The following PTPRD variants were observed in gnomAD, a reference collection of about 807,000 sequenced individuals.
The protein encoded by PTPRD is receptor-type tyrosine-protein phosphatase delta.
In PTPRD, 34 loss-of-function variants were observed where a neutral mutation model predicts 214.5. The observed-to-expected ratio is 0.16, with a 90% CI of 0.12 to 0.21. The LOEUF (loss-of-function observed/expected upper bound fraction) is 0.21, where lower values mean the gene tolerates loss of function less well. Among genes scored for constraint, PTPRD ranks in the 10% least tolerant of loss-of-function variants. The probability of loss-of-function intolerance (pLI) is 1.00; values close to 1 mark genes in which losing one functional copy is unlikely to be tolerated. For synonymous variants in PTPRD, 1,128 were observed against 845.7 expected, an observed-to-expected ratio of 1.33 and a Z score of -5.79; for missense variants, 2,545 against 2,398.7, an observed-to-expected ratio of 1.06 and a Z score of -1.27.
At chr9:9,941,344 A>C (rs148749781) in intron 4 of PTPRD, among the ~76,000 whole-genome samples, 14 of 152,306 alleles carry the variant, frequency 9.2e-5, no homozygotes, top group African/African-American at 3.1e-4. Flanking sequence ...ATCTTATTTT[A>C]GACAGTCTCA....
chr9:8,577,251 GTTTA>G (rs551484081), intron 14 of PTPRD, among the ~76,000 whole-genome samples: 1,435 of 104,328 alleles, frequency 0.014, 21 homozygotes, highest in African/African-American at 0.052. Context: ...TTGTTTGTTT[GTTTA>G]TTTATTTATT....
rs115037832 is a variant in PTPRD at position 8,745,426 on chromosome 9, C to T, written c.-103-11480G>A. On this transcript the variant is annotated intron_variant, in intron 11 of 45. Transcript: ENST00000381196. The stretch of plus-strand genomic sequence containing the variant: ...GAGACAATATTACAATGGGCATAAA[C>T]GAAAGGGGAAGGCAACCTTAAAGGC... Among the ~76,000 whole-genome samples, 534 of 152,122 alleles carry T rather than the reference C, an allele frequency of 3.5e-3. 4 individuals carry two copies. The highest frequency in any genetic ancestry group is 0.012 in the African/African-American group (515 of 41,516).
rs547636975 is a variant in PTPRD at position 9,182,456 on chromosome 9, T to A, written c.-143+848A>T. ...AGTTTGTATTTAGAAACATTGATTT[T>A]AAAACATTTAAGTTTATCTTATTCA... On this transcript the variant is annotated intron_variant, in intron 10 of 45. Transcript: ENST00000381196. Among the ~76,000 whole-genome samples the A allele has an allele frequency of 2.1e-3, 316 of 152,160 alleles. 3 individuals carry two copies. The highest frequency in any genetic ancestry group is 7.3e-3 in the African/African-American group (305 of 41,552).
chr9:8,415,229 G>A (rs2093845593), intron 35 of PTPRD, among the ~76,000 whole-genome samples: 2 of 152,132 alleles, frequency 1.3e-5, no homozygotes, highest in South Asian at 4.1e-4. Context: ...CAGAGAATGT[G>A]TTTCTCAGCA....
intron 5 of PTPRD, among the ~76,000 whole-genome samples, chr9:9,880,376 T>C (rs1565968140): frequency 6.6e-6 from 1 of 152,186 alleles, no homozygotes; most frequent in Non-Finnish European, 1.5e-5. Context: ...ACTACGTGGT[T>C]AATGGCTAGC....
intron 2 of PTPRD, among the ~76,000 whole-genome samples, chr9:10,514,688 C>G (rs1033639654): frequency 6.6e-6 from 1 of 151,574 alleles, no homozygotes; most frequent in Non-Finnish European, 1.5e-5. Flanking sequence ...AAAAGGAATG[C>G]AAAACAAACA....
rs557071701 is a variant in PTPRD, at chr9:9,942,296, A to AG, written c.-471-3687dup. Among the ~76,000 whole-genome samples the AG allele has an allele frequency of 1.2e-3, 180 of 152,258 alleles. 5 individuals are homozygous for AG. The South Asian group carries it at 0.036, about 31-fold the overall frequency. ...GGTCTTACATTTTTCACTTAAAGTT[A>AG]GGTGGGCATTATATCAGTAAATAAA... On this transcript the variant is annotated intron_variant, in intron 4 of 45. Transcript: ENST00000381196.
At chr9:9,987,033 A>G (rs2095738989) in intron 4 of PTPRD, among the ~76,000 whole-genome samples, 2 of 152,170 alleles carry the variant, frequency 1.3e-5, no homozygotes, top group Admixed American at 1.3e-4. Context: ...TAGCTAGTGT[A>G]TAAGAGAGAA....
chr9:9,530,940 A>G (rs1405811132), intron 8 of PTPRD, among the ~76,000 whole-genome samples: 2 of 152,144 alleles, frequency 1.3e-5, no homozygotes, highest in East Asian at 3.9e-4. Context: ...ACAAACATAC[A>G]GTTAGATAGA....
At chr9:10,568,654 A>G (rs967694136) in intron 2 of PTPRD, among the ~76,000 whole-genome samples, 1 of 152,166 alleles carries the variant, frequency 6.6e-6, no homozygotes, top group Admixed American at 6.5e-5. Flanking sequence ...CAAACCTGAC[A>G]AAAACAAGAA....
chr9:10,460,598 G>T (rs1420413615), intron 2 of PTPRD, among the ~76,000 whole-genome samples: 2 of 151,984 alleles, frequency 1.3e-5, no homozygotes, highest in African/African-American at 4.8e-5. Context: ...TTTTTGACAA[G>T]GGCACCAAAA....
chr9:8,673,147 A>G (rs2097323430), intron 12 of PTPRD, among the ~76,000 whole-genome samples: 1 of 151,750 alleles, frequency 6.6e-6, no homozygotes, highest in Non-Finnish European at 1.5e-5. Context: ...TTTCTCTGAG[A>G]ATATCAGATC....
intron 7 of PTPRD, among the ~76,000 whole-genome samples, chr9:9,613,466 T>C (rs1253660001): frequency 6.6e-6 from 1 of 152,096 alleles, no homozygotes; most frequent in African/African-American, 2.4e-5. Flanking sequence ...CTACTTTTGA[T>C]ACATTCTTGC....
At chr9:9,463,648 A>T (rs895870107) in intron 8 of PTPRD, among the ~76,000 whole-genome samples, 18 of 152,172 alleles carry the variant, frequency 1.2e-4, no homozygotes, top group Middle Eastern at 3.4e-3. Context: ...TATTTTTTTT[A>T]AATTTTACAT....
chr9:8,705,341 TC>T (rs1326859102), intron 12 of PTPRD, among the ~76,000 whole-genome samples: 3 of 152,146 alleles, frequency 2.0e-5, no homozygotes, highest in African/African-American at 7.2e-5. Flanking sequence ...TGCCTCAGCC[TC>T]CCGAGTAGCT....
At chr9:9,631,119 T>C (rs901121532) in intron 7 of PTPRD, among the ~76,000 whole-genome samples, 15 of 151,714 alleles carry the variant, frequency 9.9e-5, no homozygotes, top group Non-Finnish European at 1.9e-4. Flanking sequence ...GATTTAATCC[T>C]CAGTTCTGCT....
intron 4 of PTPRD, among the ~76,000 whole-genome samples, chr9:10,018,415 A>G (rs993534849): frequency 2.0e-5 from 3 of 151,994 alleles, no homozygotes; most frequent in Admixed American, 6.5e-5. Flanking sequence ...GTCCCCTTAT[A>G]AATTTCATGT....
intron 11 of PTPRD, among the ~76,000 whole-genome samples, chr9:8,933,538 C>A (rs1251110061): frequency 6.6e-6 from 1 of 151,970 alleles, no homozygotes; most frequent in South Asian, 2.1e-4. Context: ...TGACTTGAAT[C>A]AGTTTTCTAA....
chr9:9,380,095 A>T lies in PTPRD; in HGVS notation c.-203+17354T>A, dbSNP rs140684125. ...ATAGGGAATCCTTTCTTAGTTGAAA[A>T]CCTTTGAGTGTCTTACCATTAAGTT... On this transcript the variant is annotated intron_variant, in intron 9 of 45. Coordinates refer to ENST00000381196, the MANE Select transcript of PTPRD (RefSeq NM_002839.4). Among the ~76,000 whole-genome samples, 492 of 151,982 alleles carry T rather than the reference A, an allele frequency of 3.2e-3. 1 individual carries two copies. The highest frequency in any genetic ancestry group is 0.011 in the African/African-American group (458 of 41,500).
Sources: gnomAD v4.1 joint callset for allele counts (sites outside exome capture counted in the v4.1 genomes callset) on GRCh38, gnomAD v4.1.1 for gene constraint, MANE v1.5 for transcripts, NCBI Gene and HGNC (gene_info 2026-07-23, HGNC 2026-07-21) for gene names.